Variants in CLYBL observed in about 807,000 individuals in gnomAD.
CLYBL encodes citramalyl-CoA lyase.
A neutral mutation model predicts 38.9 loss-of-function variants in CLYBL; 31 were observed. That is an observed-to-expected ratio of 0.80 (90% CI 0.60 to 1.08). The LOEUF (loss-of-function observed/expected upper bound fraction) is 1.08, where lower values mean the gene tolerates loss of function less well. CLYBL is among the 50% of genes least tolerant of loss of function. CLYBL has a pLI of 0.00. For missense variants in CLYBL, 434 were observed against 411.6 expected (o/e 1.05, Z -0.47); for synonymous variants, 171 against 158.6 (o/e 1.08, Z -0.59).
rs898209388 is a variant in CLYBL, at chr13:99,674,854, A to G, written c.62+68097A>G. ...CACCAGATGTTGCTGCCACTGGGTC[A>G]GATAATTAGGAAACCAAGAATCGAC... On this transcript the variant is annotated intron_variant, in intron 1 of 8. Transcript: ENST00000339105. 2.0e-5 allele frequency among the ~76,000 whole-genome samples: 3 copies of G among 152,328 alleles called. No homozygotes were observed. The East Asian group carries it at 5.8e-4, about 29-fold the overall frequency.
intron 1 of CLYBL, among the ~76,000 whole-genome samples, chr13:99,724,357 G>C (rs1188371299): frequency 6.6e-6 from 1 of 152,072 alleles, no homozygotes; most frequent in Non-Finnish European, 1.5e-5. Flanking sequence ...GTTTCTGATT[G>C]TAAAATATAA....
intron 7 of CLYBL, among the ~76,000 whole-genome samples, chr13:99,873,587 A>G (rs775450312): frequency 1.3e-5 from 2 of 152,188 alleles, no homozygotes; most frequent in Non-Finnish European, 2.9e-5. Context: ...AGGAAAAATT[A>G]TGTATCTTTG....
At chr13:99,854,146 A>G (rs955313173) in intron 2 of CLYBL, among the ~76,000 whole-genome samples, 2 of 151,988 alleles carry the variant, frequency 1.3e-5, no homozygotes, top group African/African-American at 4.8e-5. Context: ...TTAATTACCA[A>G]ATCTTGGGTC....
At chr13:99,712,331 CTTTTTTTTTTTT>C (rs766784946) in intron 1 of CLYBL, among the ~76,000 whole-genome samples, 17 of 120,840 alleles carry the variant, frequency 1.4e-4, no homozygotes, top group Admixed American at 8.0e-4. Flanking sequence ...TAGCAATTGA[CTTTTTTTTTTTT>C]TTTTTTTTTG....
At chr13:99,684,238 G>C (rs1282855659) in intron 1 of CLYBL, among the ~76,000 whole-genome samples, 1 of 141,392 alleles carries the variant, frequency 7.1e-6, no homozygotes, top group African/African-American at 2.8e-5. Flanking sequence ...GCCTAGGCTG[G>C]AGGGCAGTGG....
chr13:99,813,878 A>T (rs7322080), intron 2 of CLYBL, among the ~76,000 whole-genome samples: 1 of 152,138 alleles, frequency 6.6e-6, no homozygotes, highest in Non-Finnish European at 1.5e-5. Flanking sequence ...GCTACTTAAA[A>T]TGGAAAAGTC....
chr13:99,616,163 T>A (rs920499551), intron 1 of CLYBL, among the ~76,000 whole-genome samples: 8 of 148,832 alleles, frequency 5.4e-5, no homozygotes, highest in Middle Eastern at 3.4e-3. Flanking sequence ...TTTTTTTTTT[T>A]TTTTAAGACT....
chr13:99,881,400 A>G (rs1423518962), intron 7 of CLYBL, among the ~76,000 whole-genome samples: 7 of 152,156 alleles, frequency 4.6e-5, no homozygotes, highest in Non-Finnish European at 8.8e-5. Context: ...GTCTCCAGTC[A>G]TATTCTTTTA....
At chr13:99,613,435 A>G (rs1450244364) in intron 1 of CLYBL, among the ~76,000 whole-genome samples, 3 of 152,086 alleles carry the variant, frequency 2.0e-5, no homozygotes, top group East Asian at 1.9e-4. Flanking sequence ...AGGGGCCTGG[A>G]TGGGGTTACC....
intron 2 of CLYBL, among the ~76,000 whole-genome samples, chr13:99,815,512 G>A (rs2050426690): frequency 6.6e-6 from 1 of 152,232 alleles, no homozygotes. Flanking sequence ...TTGAGCTGAG[G>A]AGTTCAAGAC....
chr13:99,621,364 C>T (rs1033486526), intron 1 of CLYBL, among the ~76,000 whole-genome samples: 2 of 152,214 alleles, frequency 1.3e-5, no homozygotes, highest in Admixed American at 1.3e-4. Context: ...CTCGAGTCAT[C>T]AGTGCCACTT....
chr13:99,728,280 CTTTTT>C (rs55834602), intron 1 of CLYBL, among the ~76,000 whole-genome samples: 1 of 107,642 alleles, frequency 9.3e-6, no homozygotes, highest in Non-Finnish European at 2.0e-5. Flanking sequence ...CTTTTCTTTT[CTTTTT>C]TTTTTTTTTT....
intron 2 of CLYBL, among the ~76,000 whole-genome samples, chr13:99,854,900 T>C (rs2051421934): frequency 6.6e-6 from 1 of 152,040 alleles, no homozygotes; most frequent in Non-Finnish European, 1.5e-5. Context: ...TAAGGACAAG[T>C]TTATTAGCCA....
chr13:99,747,634 G>A (rs564878154), intron 1 of CLYBL, among the ~76,000 whole-genome samples: 22 of 152,302 alleles, frequency 1.4e-4, no homozygotes, highest in African/African-American at 5.3e-4. Context: ...ACAGTGGTAT[G>A]GGTCTTCCTG....
chr13:99,884,148 C>T lies in CLYBL; in HGVS notation c.928-7170C>T, dbSNP rs190492533. Among the ~76,000 whole-genome samples the T allele has an allele frequency of 8.6e-4, 131 of 152,240 alleles. 1 individual carries two copies. The highest frequency in any genetic ancestry group is 3.0e-3 in the African/African-American group (123 of 41,538). On this transcript the variant is annotated intron_variant, in intron 7 of 8. Coordinates refer to ENST00000339105, the MANE Select transcript of CLYBL (RefSeq NM_206808.5). Reference sequence around the variant, plus strand: ...TGGGATTACACTACCACACTGGCCCCGACATTACCAGTTTTGAAGTCAGCC... The same window carrying T: ...TGGGATTACACTACCACACTGGCCCTGACATTACCAGTTTTGAAGTCAGCC...
In CLYBL at chr13:99,861,665, G is replaced by C. The variant is rs549529907; in HGVS notation, c.439-1326G>C. Among the ~76,000 whole-genome samples the C allele has an allele frequency of 2.0e-5, 3 of 152,290 alleles. No individual in the cohort carries two copies. In the East Asian group the frequency reaches 5.8e-4, roughly 29 times the overall value. ...GGTGATGATGATGCCCTTTGAAGGG[G>C]GGGCAGTGGGAGCAACTGGGAATAA... On this transcript the variant is annotated intron_variant, in intron 3 of 8. Transcript: ENST00000339105.
chr13:99,823,462 C>T (rs1282418420), intron 2 of CLYBL, among the ~76,000 whole-genome samples: 1 of 152,238 alleles, frequency 6.6e-6, no homozygotes, highest in Admixed American at 6.5e-5. Flanking sequence ...CTGTGTTCCA[C>T]CAATTCATCC....
chr13:99,887,367 C>A (rs556727028), intron 7 of CLYBL, among the ~76,000 whole-genome samples: 2 of 152,308 alleles, frequency 1.3e-5, no homozygotes, highest in African/African-American at 4.8e-5. Flanking sequence ...TCTATTATAT[C>A]TTTACTAACT....
intron 1 of CLYBL, among the ~76,000 whole-genome samples, chr13:99,731,082 C>CA (rs764705741): frequency 0.25 from 14,220 of 56,246 alleles, 1,768 homozygotes; most frequent in Middle Eastern, 0.39. Context: ...GACTCTGTTT[C>CA]AAAAAAAAAA....
Sources: gnomAD v4.1 joint callset for allele counts (sites outside exome capture counted in the v4.1 genomes callset) on GRCh38, gnomAD v4.1.1 for gene constraint, MANE v1.5 for transcripts, NCBI Gene and HGNC (gene_info 2026-07-23, HGNC 2026-07-21) for gene names.